SCAF8: variants seen among roughly 807,000 people sequenced by gnomAD.
SCAF8 encodes SR-related and CTD-associated factor 8.
In SCAF8, 23 loss-of-function variants were observed where a neutral mutation model predicts 140.5. That is an observed-to-expected ratio of 0.16 (90% CI 0.12 to 0.23). The LOEUF (loss-of-function observed/expected upper bound fraction) is 0.23. SCAF8 is among the 10% of genes least tolerant of loss of function. The pLI, the probability that SCAF8 is intolerant of heterozygous loss-of-function variation, is 1.00. For synonymous variants in SCAF8, 575 were observed against 528.9 expected (o/e 1.09, Z -1.20); for missense variants, 1,397 against 1,555.7 (o/e 0.90, Z 1.72).
At chr6:154,744,396 AAAAG>A (rs985359378) in intron 1 of SCAF8, among the ~76,000 whole-genome samples, 2 of 152,112 alleles carry the variant, frequency 1.3e-5, no homozygotes, top group African/African-American at 2.4e-5. Context: ...AAAAAGAAAA[AAAAG>A]GAGGTATTAG....
intron 3 of SCAF8, among the ~76,000 whole-genome samples, chr6:154,779,916 T>A (rs1777036475): frequency 6.6e-6 from 1 of 152,116 alleles, no homozygotes; most frequent in South Asian, 2.1e-4. Flanking sequence ...TGTGGTAACG[T>A]TCTGTAGAAT....
intron 10 of SCAF8, 101 bp downstream of exon 10, chr6:154,808,302 CTT>C (rs1777982696): frequency 1.7e-6 from 2 of 1,165,954 alleles, no homozygotes; most frequent in Non-Finnish European, 2.5e-6. Flanking sequence ...TTTTCCCACA[CTT>C]AAGCTCCACT....
chr6:154,761,055 G>A (rs566500485), intron 1 of SCAF8, among the ~76,000 whole-genome samples: 2 of 152,186 alleles, frequency 1.3e-5, no homozygotes, highest in African/African-American at 2.4e-5. Flanking sequence ...TCTCACCTTG[G>A]CCTCCCAGAG....
chr6:154,829,156 A>G (rs1394303126), intron 18 of SCAF8, among the ~76,000 whole-genome samples: 1 of 152,146 alleles, frequency 6.6e-6, no homozygotes, highest in East Asian at 1.9e-4. Context: ...TAAATAATGT[A>G]TAATCAAATT....
At chr6:154,789,008 C>T (rs989027130) in intron 4 of SCAF8, among the ~76,000 whole-genome samples, 5 of 151,990 alleles carry the variant, frequency 3.3e-5, no homozygotes, top group Non-Finnish European at 7.4e-5. Context: ...AATTATTCAC[C>T]TTTATATTGA....
intron 3 of SCAF8, among the ~76,000 whole-genome samples, chr6:154,786,116 A>T (rs183248735): frequency 6.6e-6 from 1 of 152,184 alleles, no homozygotes. Context: ...GAGTTTTATT[A>T]TTACTCAAAT....
At chr6:154,745,043 A>G (rs1447030937) in intron 1 of SCAF8, among the ~76,000 whole-genome samples, 4 of 152,200 alleles carry the variant, frequency 2.6e-5, no homozygotes, top group Admixed American at 2.6e-4. Flanking sequence ...TTGTCTGTAG[A>G]TCATATTCAG....
chr6:154,790,055 A>T (rs1376372868), intron 4 of SCAF8, among the ~76,000 whole-genome samples: 2 of 151,778 alleles, frequency 1.3e-5, no homozygotes, highest in African/African-American at 2.4e-5. Flanking sequence ...TCATAATATA[A>T]TATCTCATAC....
chr6:154,788,444 C>T (rs1356073806), intron 4 of SCAF8, among the ~76,000 whole-genome samples: 2 of 152,148 alleles, frequency 1.3e-5, no homozygotes, highest in Non-Finnish European at 1.5e-5. Context: ...TTCTCATTTG[C>T]TCTTAGTTAT....
intron 14 of SCAF8, 34 bp downstream of exon 14, chr6:154,818,626 G>T (rs932305146): frequency 9.1e-7 from 1 of 1,100,516 alleles, no homozygotes; most frequent in Non-Finnish European, 1.4e-6. Context: ...TGGGGTAGGG[G>T]GGCAGTATTT....
chr6:154,746,350 C>T (rs1048244208), intron 1 of SCAF8, among the ~76,000 whole-genome samples: 5 of 152,316 alleles, frequency 3.3e-5, no homozygotes, highest in South Asian at 2.1e-4. Flanking sequence ...GCCTGGGAAT[C>T]AGCCATTTCT....
At chr6:154,810,389 C>G (rs1778056437) in intron 12 of SCAF8, among the ~76,000 whole-genome samples, 181 bp downstream of exon 12, 1 of 152,036 alleles carries the variant, frequency 6.6e-6, no homozygotes, top group Admixed American at 6.6e-5. Flanking sequence ...AGAACAGATT[C>G]CATTCAAATA....
At chr6:154,766,568 G>C (rs1390733705) in intron 1 of SCAF8, among the ~76,000 whole-genome samples, 1 of 150,580 alleles carries the variant, frequency 6.6e-6, no homozygotes, top group East Asian at 2.0e-4. Context: ...TCTTCATCAA[G>C]TTGTCTTCTG....
intron 1 of SCAF8, among the ~76,000 whole-genome samples, chr6:154,757,284 C>T (rs970947713): frequency 5.9e-5 from 9 of 152,030 alleles, no homozygotes; most frequent in South Asian, 2.1e-4. Context: ...CATGAGCCAC[C>T]GTGCCCAGCC....
chr6:154,773,360 A>G (rs982432577), intron 1 of SCAF8, among the ~76,000 whole-genome samples: 1 of 152,160 alleles, frequency 6.6e-6, no homozygotes, highest in Non-Finnish European at 1.5e-5. Flanking sequence ...TTCAAGGTTC[A>G]TTCAGGTTGT....
At position 154,792,968 on chromosome 6, in the gene SCAF8, A is replaced by G. The variant is rs1583039805; in HGVS notation, c.467A>G (p.Asn156Ser). 1 of 1,610,914 alleles carries G rather than the reference A, an allele frequency of 6.2e-7. No individual in the cohort carries two copies. The highest frequency in any genetic ancestry group is 1.1e-5 in the South Asian group (1 of 90,386). Residue 156 changes from asparagine (N) to serine (S), a missense_variant, in exon 5 of 20, where the codon AAT (asparagine) becomes AGT (serine). By Grantham distance (46) the Asn-to-Ser change is conservative (BLOSUM62 1). This residue lies in a region of SCAF8 where 339 missense variants were observed against 407.5 expected (regional missense o/e 0.83). Coordinates refer to ENST00000367178, the MANE Select transcript of SCAF8 (RefSeq NM_014892.5). ...GCCAGCACTACCACTGCTATGAGCA[A>G]TACTCCAGGTATGTTGCTTTAATAT... ...VLASTTTAMSNTPGTPVTPVT... is the reference protein window; with the variant it reads ...VLASTTTAMSSTPGTPVTPVT...
intron 3 of SCAF8, among the ~76,000 whole-genome samples, chr6:154,784,101 C>T (rs1403425915): frequency 2.3e-5 from 3 of 128,728 alleles, no homozygotes; most frequent in Non-Finnish European, 3.3e-5. Flanking sequence ...GTTATATTTA[C>T]TTATCTCTGG....
rs1777558641 is a variant in SCAF8 at position 154,794,999 on chromosome 6, T to C, written c.476-10T>C. The C allele has an allele frequency of 6.3e-7, 1 of 1,585,970 alleles. No homozygotes were observed. The highest frequency in any genetic ancestry group is 8.5e-7 in the Non-Finnish European group (1 of 1,170,910). On this transcript the variant is annotated splice_polypyrimidine_tract_variant and intron_variant, in intron 5 of 19. Coordinates refer to ENST00000367178, the MANE Select transcript of SCAF8 (RefSeq NM_014892.5). ...TATTTATTTGGGGGGTGTGATGTTC[T>C]TTTTAAAAGGAACTCCTGTGACACC...
At chr6:154,750,873 A>T (rs1778820474) in intron 1 of SCAF8, among the ~76,000 whole-genome samples, 1 of 152,136 alleles carries the variant, frequency 6.6e-6, no homozygotes, top group Admixed American at 6.6e-5. Flanking sequence ...TAAATGAATT[A>T]TTCTTTTTCT....
Sources: gnomAD v4.1 joint callset for allele counts (sites outside exome capture counted in the v4.1 genomes callset) on GRCh38, gnomAD v4.1.1 for gene constraint, gnomAD v4.1.1 regional missense constraint, MANE v1.5 for transcripts, NCBI Gene and HGNC (gene_info 2026-07-23, HGNC 2026-07-21) for gene names.